The following RNF17 variants were observed in gnomAD, a reference collection of about 807,000 sequenced individuals.
RNF17 encodes ring finger protein 17, also known as spermatogenesis associated 23.
RNF17 carries 31 observed loss-of-function variants against 200.5 expected under a neutral mutation model. That is an observed-to-expected ratio of 0.15 (90% CI 0.12 to 0.21). RNF17 has a LOEUF of 0.21. Among genes scored for constraint, RNF17 ranks in the 10% least tolerant of loss-of-function variants. The pLI is 1.00. For missense variants in RNF17, 1,628 were observed against 1,905.1 expected, an observed-to-expected ratio of 0.85 and a Z score of 2.71; for synonymous variants, 606 against 637.8, an observed-to-expected ratio of 0.95 and a Z score of 0.75.
intron 33 of RNF17, among the ~76,000 whole-genome samples, chr13:24,875,175 A>G (rs954694878): frequency 1.3e-5 from 2 of 152,218 alleles, no homozygotes; most frequent in African/African-American, 2.4e-5. Context: ...AACAGGATCT[A>G]GTTTGAGGCA....
At chr13:24,772,712 G>A (rs946516545) in intron 2 of RNF17, among the ~76,000 whole-genome samples, 5 of 151,646 alleles carry the variant, frequency 3.3e-5, no homozygotes, top group Middle Eastern at 6.8e-3. Context: ...CCAGGTTCAC[G>A]CCATTCTCCT....
chr13:24,764,127 G>A (rs1442796040), upstream of RNF17: 2 of 1,390,918 alleles, frequency 1.4e-6, no homozygotes, highest in South Asian at 1.4e-5. Flanking sequence ...GCAGGGGCTG[G>A]CCTCCAATGA....
At chr13:24,794,055 A>C (rs1006510503) in intron 10 of RNF17, 10 of 369,432 alleles carry the variant, frequency 2.7e-5, no homozygotes, top group African/African-American at 1.5e-4. Flanking sequence ...GGATGTTGCC[A>C]TTCCAGTGTT....
rs1555269364 is a variant in RNF17 at position 24,797,705 on chromosome 13, A to AGTGCGTGTGTGTGTGTGTGT, written c.1399+1413_1399+1414insCGTGTGTGTGTGTGTGTGTG. 2.5e-5 allele frequency among the ~76,000 whole-genome samples: 3 copies of AGTGCGTGTGTGTGTGTGTGT among 119,048 alleles called. 1 individual carries two copies. The Admixed American group carries it at 2.8e-4, about 11-fold the overall frequency. The allele number at this position is 119,048 out of a possible 152,430, so 78.1% of individuals were successfully genotyped here. ...GAGAGAGAGAGAGAGAGAGACAAAG[A>AGTGCGTGTGTGTGTGTGTGT]GTGTGTGTGTGTGTGTGTGTGTGTG... On this transcript the variant is annotated intron_variant, in intron 11 of 35. Coordinates refer to ENST00000255324, the MANE Select transcript of RNF17 (RefSeq NM_031277.3).
intron 15 of RNF17, among the ~76,000 whole-genome samples, chr13:24,809,800 A>C (rs1251689573): frequency 6.6e-6 from 1 of 151,344 alleles, no homozygotes; most frequent in African/African-American, 2.4e-5. Flanking sequence ...TTCCCTCTAC[A>C]CACTGCTTTG....
intron 2 of RNF17, 114 bp from the exon 3 acceptor site, chr13:24,774,699 A>G (rs967679974): frequency 1.9e-5 from 10 of 530,218 alleles, no homozygotes; most frequent in African/African-American, 1.6e-4. Context: ...GGATTTCAGG[A>G]TCTTTAAGGT....
intron 28 of RNF17, among the ~76,000 whole-genome samples, chr13:24,863,851 G>A (rs1258684931): frequency 6.6e-6 from 1 of 152,196 alleles, no homozygotes; most frequent in Non-Finnish European, 1.5e-5. Context: ...ACACAACCCA[G>A]CCGACAGCAG....
At chr13:24,878,659 C>T (rs1895114281) in intron 34 of RNF17, among the ~76,000 whole-genome samples, 1 of 152,172 alleles carries the variant, frequency 6.6e-6, no homozygotes, top group Admixed American at 6.5e-5. Flanking sequence ...AGGTGTCCCC[C>T]ACTTAGGAAG....
upstream of RNF17, among the ~76,000 whole-genome samples, chr13:24,763,369 A>ATTTTT (rs34750040): frequency 6.1e-5 from 7 of 114,696 alleles, no homozygotes; most frequent in East Asian, 2.6e-4. Flanking sequence ...CGTCCGGCTA[A>ATTTTT]TTTTTTTTTT....
intron 6 of RNF17, among the ~76,000 whole-genome samples, chr13:24,786,397 C>G (rs1883114388): frequency 6.6e-6 from 1 of 152,024 alleles, no homozygotes; most frequent in Non-Finnish European, 1.5e-5. Context: ...ACGTATTTGT[C>G]CTTTAAATTC....
At chr13:24,765,973 G>GATA (rs1339160292) in intron 1 of RNF17, among the ~76,000 whole-genome samples, 8 of 152,198 alleles carry the variant, frequency 5.3e-5, no homozygotes, top group African/African-American at 1.9e-4. Flanking sequence ...CACGCCTATA[G>GATA]TCCCAGCACT....
At chr13:24,788,235 G>T (rs1034442998) in intron 7 of RNF17, 76 bp downstream of exon 7, 5 of 1,184,060 alleles carry the variant, frequency 4.2e-6, no homozygotes, top group East Asian at 5.1e-5. Flanking sequence ...TTTAAGACAA[G>T]AATTTGTTTT....
At chr13:24,767,088 G>A (rs1879804576) in intron 1 of RNF17, among the ~76,000 whole-genome samples, 184 bp from the exon 2 acceptor site, 1 of 152,166 alleles carries the variant, frequency 6.6e-6, no homozygotes, top group African/African-American at 2.4e-5. Context: ...AATTAGCCGG[G>A]TGTGTTGGGA....
intron 34 of RNF17, among the ~76,000 whole-genome samples, chr13:24,877,908 T>A (rs1895023227): frequency 6.6e-6 from 1 of 152,192 alleles, no homozygotes; most frequent in Non-Finnish European, 1.5e-5. Context: ...CTGTACCTTG[T>A]TTTATTTAGC....
At chr13:24,784,117 A>G (rs1413077073) in intron 6 of RNF17, among the ~76,000 whole-genome samples, 2 of 152,214 alleles carry the variant, frequency 1.3e-5, no homozygotes, top group Non-Finnish European at 2.9e-5. Context: ...TCAATTGAGA[A>G]ACCACTTGGG....
At chr13:24,804,050 C>T (rs912304289) in intron 14 of RNF17, 22 of 400,796 alleles carry the variant, frequency 5.5e-5, no homozygotes, top group South Asian at 3.4e-4. Flanking sequence ...GCAGTAGGGT[C>T]GCCTGAGCCC....
At chr13:24,831,211 C>T (rs1566193472) in intron 17 of RNF17, among the ~76,000 whole-genome samples, 1 of 151,840 alleles carries the variant, frequency 6.6e-6, no homozygotes, top group Admixed American at 6.6e-5. Context: ...GAGGCCGAGG[C>T]GGGGGGATCA....
intron 22 of RNF17, among the ~76,000 whole-genome samples, chr13:24,846,937 A>C (rs1891316577): frequency 6.6e-6 from 1 of 152,228 alleles, no homozygotes; most frequent in Non-Finnish European, 1.5e-5. Flanking sequence ...ATAAATAGGA[A>C]TATTAGAAAT....
chr13:24,881,962 C>CTATA (rs1238939285), downstream of RNF17, among the ~76,000 whole-genome samples: 5 of 4,282 alleles, frequency 1.2e-3, no homozygotes, highest in South Asian at 6.8e-3. Flanking sequence ...ATAGATACAT[C>CTATA]TAGATATATA....
Sources: gnomAD v4.1 joint callset for allele counts (sites outside exome capture counted in the v4.1 genomes callset) on GRCh38, gnomAD v4.1.1 for gene constraint, MANE v1.5 for transcripts, NCBI Gene and HGNC (gene_info 2026-07-23, HGNC 2026-07-21) for gene names.